The following APBA2 variants were observed in gnomAD, a reference collection of about 807,000 sequenced individuals.
APBA2 encodes amyloid-beta A4 precursor protein-binding family A member 2.
Under a neutral mutation model 75.0 loss-of-function variants are expected in APBA2, and 30 were observed. The ratio of observed to expected loss-of-function variants is 0.40; its 90% confidence interval spans 0.30 to 0.54. APBA2 has a LOEUF of 0.54. Ranked by LOEUF, APBA2 falls within the 20% of genes least tolerant of loss-of-function variation. The pLI is 0.49. For synonymous variants in APBA2, 444 were observed against 409.6 expected (o/e 1.08, Z -1.01); for missense variants, 801 against 1,016.1 (o/e 0.79, Z 2.88).
intron 2 of APBA2, among the ~76,000 whole-genome samples, chr15:28,968,098 G>C (rs1273848279): frequency 6.6e-6 from 1 of 152,226 alleles, no homozygotes; most frequent in African/African-American, 2.4e-5. Context: ...TCGCAACGTT[G>C]TAGTAAGTGT....
chr15:29,002,771 A>G (rs2152803694), intron 3 of APBA2, among the ~76,000 whole-genome samples: 1 of 152,138 alleles, frequency 6.6e-6, no homozygotes, highest in African/African-American at 2.4e-5. Context: ...CAGTTCGAGA[A>G]TCAGCCACTG....
At chr15:28,889,788 A>G (rs2032007879) in intron 1 of APBA2, among the ~76,000 whole-genome samples, 1 of 151,814 alleles carries the variant, frequency 6.6e-6, no homozygotes, top group Non-Finnish European at 1.5e-5. Flanking sequence ...CTGGCCCCTC[A>G]CTTATTGCCC....
At chr15:28,911,535 C>T (rs2033428729) in intron 1 of APBA2, among the ~76,000 whole-genome samples, 1 of 152,160 alleles carries the variant, frequency 6.6e-6, no homozygotes, top group South Asian at 2.1e-4. Context: ...TTCCTTTTGT[C>T]CCCCAATCTC....
At chr15:29,053,094 T>A (rs1437777205) in intron 3 of APBA2, among the ~76,000 whole-genome samples, 1 of 152,134 alleles carries the variant, frequency 6.6e-6, no homozygotes, top group Non-Finnish European at 1.5e-5. Flanking sequence ...TCCTGGGCAC[T>A]GGGTCCAGGC....
At chr15:29,103,858 G>A (rs1350453273) in intron 10 of APBA2, among the ~76,000 whole-genome samples, 1 of 152,198 alleles carries the variant, frequency 6.6e-6, no homozygotes, top group Non-Finnish European at 1.5e-5. Flanking sequence ...TCCTGCGCGG[G>A]CGCTGCCCCC....
chr15:29,017,489 C>T (rs1411267648), intron 3 of APBA2, among the ~76,000 whole-genome samples: 3 of 146,592 alleles, frequency 2.0e-5, no homozygotes, highest in Non-Finnish European at 4.4e-5. Flanking sequence ...CCTGCCTCAG[C>T]GTCCAGAGTA....
intron 2 of APBA2, among the ~76,000 whole-genome samples, chr15:28,944,797 C>T (rs1205951889): frequency 6.6e-6 from 1 of 152,176 alleles, no homozygotes; most frequent in East Asian, 1.9e-4. Flanking sequence ...CCCGATGCTC[C>T]TTTGTGGTTT....
intron 2 of APBA2, among the ~76,000 whole-genome samples, chr15:28,940,556 AAAAAAGAAAAAAAAAAAAGAAAAG>A (rs2035157130): frequency 6.6e-6 from 1 of 150,794 alleles, no homozygotes. Flanking sequence ...CTGTATCAAA[AAAAAAGAAAAAAAAAAAAGAAAAG>A]AAAAAGAAAA....
At chr15:29,056,357 G>A (rs1467790705) in intron 4 of APBA2, among the ~76,000 whole-genome samples, 1 of 152,092 alleles carries the variant, frequency 6.6e-6, no homozygotes, top group Non-Finnish European at 1.5e-5. Context: ...AGCCATTGTG[G>A]AGGATCAAGA....
chr15:29,051,555 G>T (rs943460057), intron 3 of APBA2, among the ~76,000 whole-genome samples: 3 of 152,126 alleles, frequency 2.0e-5, no homozygotes, highest in African/African-American at 4.8e-5. Flanking sequence ...CAGTAATTGT[G>T]CCCACACTCT....
chr15:28,928,444 A>G (rs983972218), intron 2 of APBA2, among the ~76,000 whole-genome samples: 2 of 151,992 alleles, frequency 1.3e-5, no homozygotes, highest in African/African-American at 4.8e-5. Flanking sequence ...GCTGTTGTAC[A>G]CTGGAGTCCT....
chr15:29,030,266 T>G (rs2040422456), intron 3 of APBA2, among the ~76,000 whole-genome samples: 1 of 152,136 alleles, frequency 6.6e-6, no homozygotes. Context: ...GAGATCATCC[T>G]GGCTAACATG....
chr15:29,003,508 C>A (rs201864187), intron 3 of APBA2, among the ~76,000 whole-genome samples: 8 of 152,322 alleles, frequency 5.3e-5, no homozygotes, highest in Admixed American at 3.3e-4. Context: ...GCTGATAGGA[C>A]ATCAACCTGC....
intron 1 of APBA2, among the ~76,000 whole-genome samples, 197 bp from the exon 2 acceptor site, chr15:28,921,443 G>A (rs2033965862): frequency 6.6e-6 from 1 of 152,154 alleles, no homozygotes. Context: ...GTGACGCTTG[G>A]TTTTTCAGAT....
At chr15:29,015,767 G>A (rs1193065042) in intron 3 of APBA2, among the ~76,000 whole-genome samples, 1 of 152,188 alleles carries the variant, frequency 6.6e-6, no homozygotes, top group Non-Finnish European at 1.5e-5. Context: ...AGCCAGGTTT[G>A]TGGGGGGACA....
chr15:29,079,082 G>A (rs2042976986), intron 6 of APBA2, among the ~76,000 whole-genome samples: 1 of 152,206 alleles, frequency 6.6e-6, no homozygotes, highest in African/African-American at 2.4e-5. Context: ...GCTTCTCACA[G>A]TGGTGACTTT....
At chr15:29,107,955 T>C (rs776994837) in intron 12 of APBA2, among the ~76,000 whole-genome samples, 1 of 152,114 alleles carries the variant, frequency 6.6e-6, no homozygotes, top group Non-Finnish European at 1.5e-5. Context: ...GCCAGGTGCG[T>C]TGGTTCTGCC....
In APBA2 at chr15:29,054,265, C is replaced by T. The variant is rs137995892; in HGVS notation, c.381C>T (p.His127=). The part of the protein sequence containing the change: ...NGEEYLAHSA[H]PVDTDECQEA... ...AGGAGTACCTGGCCCACAGTGCACACCCTGTGGACACTGATGAGTGCCAGG... is the reference window on the plus strand; with the variant it reads ...AGGAGTACCTGGCCCACAGTGCACATCCTGTGGACACTGATGAGTGCCAGG... The change falls in exon 4 of 15, where the codon CAC becomes CAT. Residue 127 remains histidine (H), a synonymous_variant. Coordinates refer to ENST00000683413, the MANE Select transcript of APBA2 (RefSeq NM_001353788.2). The surrounding 1 kb of genome is among the most constrained non-coding windows in gnomAD (Gnocchi z 6.1). The T allele has an allele frequency of 7.4e-3, 12,003 of 1,614,142 alleles. 65 individuals are homozygous for T. The highest frequency in any genetic ancestry group is 0.013 in the Admixed American group (760 of 60,024).
At chr15:28,916,777 A>G (rs1240082372) in intron 1 of APBA2, among the ~76,000 whole-genome samples, 98 of 152,354 alleles carry the variant, frequency 6.4e-4, no homozygotes, top group African/African-American at 2.3e-3. Context: ...TGACTCTTCC[A>G]GCACGTGAAC....
Sources: allele counts gnomAD v4.1 joint callset (sites outside exome capture counted in the v4.1 genomes callset), GRCh38; gene constraint gnomAD v4.1.1; non-coding constraint Gnocchi (gnomAD v3.1); transcripts MANE v1.5; gene names NCBI Gene and HGNC (gene_info 2026-07-23, HGNC 2026-07-21).